ACIN1: variants seen among roughly 807,000 people sequenced by gnomAD.
ACIN1 encodes the protein apoptotic chromatin condensation inducer in the nucleus.
Under a neutral mutation model 146.6 loss-of-function variants are expected in ACIN1, and 16 were observed. The ratio of observed to expected loss-of-function variants is 0.11; its 90% CI spans 0.07 to 0.17. ACIN1 has a LOEUF of 0.17. ACIN1 is among the 10% of genes least tolerant of loss of function. The pLI is 1.00. For missense variants in ACIN1, 1,357 were observed against 1,609.3 expected, an observed-to-expected ratio of 0.84 and a Z score of 2.68; for synonymous variants, 569 against 582.7, an observed-to-expected ratio of 0.98 and a Z score of 0.34.
Position 23,090,593 on chromosome 14 carries a change from T to C in ACIN1, c.245A>G (p.Tyr82Cys). 6.2e-7 allele frequency: 1 copy of C among 1,614,156 alleles called. No individual in the cohort carries two copies. The highest frequency in any genetic ancestry group is 8.5e-7 in the Non-Finnish European group (1 of 1,180,018). The change falls in exon 3 of 19, where the codon TAT becomes TGT. Residue 82 changes from tyrosine to cysteine, a missense_variant. Coordinates refer to ENST00000605057, the MANE Select transcript of ACIN1 (RefSeq NM_001386863.1). ...AAGTAGCTCCTGCTGCTTTTCCAGA[T>C]ACTGTTTTATGAAACTGTTCTGGCT... ...EMSQNSFIKQ[Y>C]LEKQQELLRQ...
rs2047266099 is a variant in ACIN1 at position 23,061,102 on chromosome 14, G to A, written c.3507C>T (p.Leu1169=). 2 of 1,614,070 alleles carry A rather than the reference G, an allele frequency of 1.2e-6. No individual in the cohort carries two copies. The highest frequency in any genetic ancestry group is 1.7e-6 in the Non-Finnish European group (2 of 1,180,036). Residue 1169 remains leucine, a synonymous_variant, in exon 18 of 19, where the codon CTC becomes CTT. Transcript: ENST00000605057. ...KTKAAPCIYW[L]PLTDSQIVQK... ...CACTCACCTGGCTGTCAGTCAGTGG[G>A]AGCCAATAGATGCAGGGAGCTGCCT...
chr14:23,082,910 C>T (rs142491193), intron 4 of ACIN1, among the ~76,000 whole-genome samples: 12 of 150,454 alleles, frequency 8.0e-5, no homozygotes, highest in African/African-American at 2.9e-4. Context: ...TGGCTAATTT[C>T]GGTATTTTTT....
chr14:23,060,847 A>G (rs1049690124), intron 18 of ACIN1, among the ~76,000 whole-genome samples: 1 of 152,222 alleles, frequency 6.6e-6, no homozygotes, highest in Non-Finnish European at 1.5e-5. Flanking sequence ...CGGCACAGCC[A>G]GCTTCCCAGA....
At chr14:23,071,592 G>A (rs1241370045) in intron 8 of ACIN1, 16 of 1,535,916 alleles carry the variant, frequency 1.0e-5, no homozygotes, top group African/African-American at 4.1e-5. Flanking sequence ...GTGCGGATGG[G>A]GGAGGGCCTT....
At chr14:23,089,134 G>A (rs764552700) in intron 4 of ACIN1, among the ~76,000 whole-genome samples, 2 of 152,082 alleles carry the variant, frequency 1.3e-5, no homozygotes, top group Non-Finnish European at 1.5e-5. Context: ...TCTGCCTCCC[G>A]GGTTCAAGCG....
chr14:23,094,705 GT>G lies in ACIN1; in HGVS notation c.138+269del, dbSNP rs1487270127. Reference sequence around the variant, plus strand: ...AACCACAGATACAAACAAGGAGGGGGTGGGGGAAGGAGGAAGGAGCTTAAGA... The same window carrying G: ...AACCACAGATACAAACAAGGAGGGGGGGGGGAAGGAGGAAGGAGCTTAAGA... On this transcript the variant is annotated intron_variant, in intron 1 of 18. Transcript: ENST00000605057. 9.9e-5 allele frequency: 65 copies of G among 658,722 alleles called. No homozygotes were observed. In the African/African-American group the frequency reaches 1.0e-3, roughly 10 times the overall value. The allele number at this position is 658,722 out of a possible 1,614,324, so 40.8% of individuals were successfully genotyped here.
intron 9 of ACIN1, among the ~76,000 whole-genome samples, chr14:23,066,670 G>A (rs1417054519): frequency 1.3e-5 from 2 of 152,232 alleles, no homozygotes; most frequent in African/African-American, 2.4e-5. Context: ...ACTCAAAGGT[G>A]TCTTTGATAA....
intron 8 of ACIN1, among the ~76,000 whole-genome samples, chr14:23,073,012 C>T (rs1391963000): frequency 6.6e-6 from 1 of 152,330 alleles, no homozygotes. Context: ...TTGGAGGACA[C>T]CCCAAGTGAA....
chr14:23,058,859 G>C lies in ACIN1; in HGVS notation c.*289C>G. On this transcript the variant is annotated 3_prime_UTR_variant, in exon 19 of 19. Transcript: ENST00000605057. ...ATGGAGGAAAAATCAGAGGACTGGG[G>C]CACCTGGCTGTTCCCCATCTCTGGC... The C allele has an allele frequency of 2.1e-6, 1 of 471,760 alleles. No individual in the cohort carries two copies. Among genetic ancestry groups the C allele is most frequent in the Non-Finnish European group, 3.8e-6 (1 of 262,286 alleles). The allele number at this position is 471,760 out of a possible 1,614,324, so 29.2% of individuals were successfully genotyped here. A position where few individuals can be genotyped will look rare whatever the true frequency, so the allele number is the denominator to read the frequency against.
At chr14:23,069,641 T>TGGGGGGGGGGGGG in intron 8 of ACIN1, 24 bp from the exon 9 acceptor site, 1 of 309,214 alleles carries the variant, frequency 3.2e-6, no homozygotes. Context: ...GGAGTGGTGG[T>TGGGGGGGGGGGGG]GGGGGGGCGG....
intron 4 of ACIN1, among the ~76,000 whole-genome samples, chr14:23,088,427 C>G (rs190295148): frequency 6.6e-6 from 1 of 152,150 alleles, no homozygotes; most frequent in Non-Finnish European, 1.5e-5. Flanking sequence ...AAAACAGGAC[C>G]TTAAAACTAG....
At position 23,080,061 on chromosome 14, in the gene ACIN1, G is replaced by A. The variant is rs762731204; in HGVS notation, c.1274C>T (p.Pro425Leu). The change falls in exon 6 of 19, where the codon CCT becomes CTT. Residue 425 changes from proline to leucine, a missense_variant. Around this residue, in one of 4 missense-constraint regions of ACIN1, gnomAD observed 771 missense variants for 746.6 expected, o/e 1.03. Transcript: ENST00000605057. ...TGGAGATTCTGCTTTGGTGTCTGAA[G>A]GACTTGACAAAGGAGACAGGCCTCC... ...LVGGLSPLSS[P>L]SDTKAESPAE... 4 of 1,614,018 alleles carry A rather than the reference G, an allele frequency of 2.5e-6. No homozygotes were observed. The highest frequency in any genetic ancestry group is 3.4e-6 in the Non-Finnish European group (4 of 1,180,032).
rs757104144 is a variant in ACIN1, at chr14:23,061,068, G to A, written c.3525+16C>T. On this transcript the variant is annotated intron_variant, in intron 18 of 18. Transcript: ENST00000605057. ...TCAGTGCCACTAGGGAGCAGGGCAC[G>A]AAGAAGAGCACTCACCTGGCTGTCA... is the stretch of plus-strand genomic sequence containing the variant. 9.9e-6 allele frequency: 16 copies of A among 1,612,298 alleles called. No individual in the cohort carries two copies. In the East Asian group the frequency reaches 2.2e-4, roughly 22 times the overall value.
At chr14:23,091,831 C>G (rs948076734) in intron 2 of ACIN1, among the ~76,000 whole-genome samples, 19 of 151,982 alleles carry the variant, frequency 1.3e-4, no homozygotes, top group African/African-American at 4.3e-4. Flanking sequence ...GCCATGTTGG[C>G]CAGGCTGGTC....
intron 2 of ACIN1, among the ~76,000 whole-genome samples, chr14:23,091,984 T>C (rs17126483): frequency 0.27 from 41,683 of 152,078 alleles, 5,920 homozygotes; most frequent in South Asian, 0.4. Context: ...TTTAAAAGTA[T>C]GAAATCAAGA....
intron 4 of ACIN1, among the ~76,000 whole-genome samples, chr14:23,089,287 C>T (rs2048166046): frequency 6.6e-6 from 1 of 152,148 alleles, no homozygotes; most frequent in African/African-American, 2.4e-5. Flanking sequence ...CTCCTGACCT[C>T]AGGTGATCCT....
rs1057194367 is a variant in ACIN1 at position 23,078,125 on chromosome 14, T to C, written c.2123+26A>G. On this transcript the variant is annotated intron_variant, in intron 8 of 18. Coordinates refer to ENST00000605057, the MANE Select transcript of ACIN1 (RefSeq NM_001386863.1). Reference sequence around the variant, plus strand: ...ATCGCACACTCATAGTTCCCTGTTATACCCCGGTCGAGATATATCACTTAC... The same window carrying C: ...ATCGCACACTCATAGTTCCCTGTTACACCCCGGTCGAGATATATCACTTAC... 4 of 1,608,034 alleles carry C rather than the reference T, an allele frequency of 2.5e-6. No individual in the cohort carries two copies. The African/African-American group carries it at 4.0e-5, about 16-fold the overall frequency.
intron 4 of ACIN1, 118 bp downstream of exon 4, chr14:23,089,864 T>A: frequency 2.3e-6 from 3 of 1,300,422 alleles, no homozygotes; most frequent in Non-Finnish European, 3.1e-6. Context: ...CAAATATCAA[T>A]GTCACAGAAT....
In ACIN1 at chr14:23,063,004, A is replaced by C. The variant is rs1165021409; in HGVS notation, c.2808T>G (p.Asp936Glu). ...QQKSGVSITI[D>E]DPVRTAQVPS... ...GCACCTGGGCAGTTCGGACTGGGTC[A>C]TCAATGGTAATGGAAACTCCGGACT... Residue 936 changes from aspartate to glutamate, a missense_variant, in exon 14 of 19, where the codon GAT becomes GAG. Transcript: ENST00000605057. 1.2e-6 allele frequency: 2 copies of C among 1,613,920 alleles called. No individual in the cohort carries two copies. The highest frequency in any genetic ancestry group is 2.7e-5 in the African/African-American group (2 of 74,930).
Sources: gnomAD v4.1 joint callset for allele counts (sites outside exome capture counted in the v4.1 genomes callset) on GRCh38, gnomAD v4.1.1 for gene constraint, gnomAD v4.1.1 regional missense constraint, MANE v1.5 for transcripts, NCBI Gene and HGNC (gene_info 2026-07-23, HGNC 2026-07-21) for gene names.